KIAA1217: variants seen among roughly 807,000 people sequenced by gnomAD.
KIAA1217 encodes the protein KIAA1217, also known as sickle tail protein homolog.
In KIAA1217, 88 loss-of-function variants were observed where a neutral mutation model predicts 163.9. The observed-to-expected ratio is 0.54, with a 90% CI of 0.45 to 0.64. The LOEUF (loss-of-function observed/expected upper bound fraction) is 0.64. KIAA1217 is among the 30% of genes least tolerant of loss of function. KIAA1217 has a pLI of 0.00. For missense variants in KIAA1217, 2,372 were observed against 2,475.0 expected (o/e 0.96, Z 0.88); for synonymous variants, 903 against 923.1 (o/e 0.98, Z 0.39).
intron 1 of KIAA1217, among the ~76,000 whole-genome samples, chr10:23,974,686 C>A (rs1242431514): frequency 1.3e-5 from 2 of 152,064 alleles, no homozygotes; most frequent in East Asian, 3.9e-4. Flanking sequence ...TAAATTGAGC[C>A]TGCTCAGCTC....
At chr10:24,365,955 T>C (rs898845291) in intron 2 of KIAA1217, among the ~76,000 whole-genome samples, 4 of 152,226 alleles carry the variant, frequency 2.6e-5, no homozygotes, top group Non-Finnish European at 4.4e-5. Context: ...ATGACGGTAC[T>C]TAGAGGCTCC....
At chr10:23,864,572 C>T (rs996446310) in intron 1 of KIAA1217, among the ~76,000 whole-genome samples, 4 of 150,738 alleles carry the variant, frequency 2.7e-5, no homozygotes, top group African/African-American at 9.7e-5. Flanking sequence ...ACAGTACTTT[C>T]AGCTTGGGAA....
intron 2 of KIAA1217, among the ~76,000 whole-genome samples, chr10:24,188,662 G>A (rs1289548661): frequency 6.6e-6 from 1 of 152,154 alleles, no homozygotes; most frequent in Non-Finnish European, 1.5e-5. Context: ...TGGAGGTTGG[G>A]CCTTAAAGAA....
intron 2 of KIAA1217, among the ~76,000 whole-genome samples, chr10:24,340,340 A>AG (rs1237291327): frequency 1.3e-5 from 2 of 152,168 alleles, no homozygotes; most frequent in Non-Finnish European, 1.5e-5. Flanking sequence ...AGTAGTGAAT[A>AG]GGTCTCACGA....
At chr10:23,937,549 A>G (rs1017702702) in intron 1 of KIAA1217, among the ~76,000 whole-genome samples, 3 of 152,114 alleles carry the variant, frequency 2.0e-5, no homozygotes, top group African/African-American at 7.2e-5. Context: ...CCACTATCCC[A>G]TGTTTTATAT....
chr10:23,934,568 T>TATATAC (rs1554826326), intron 1 of KIAA1217, among the ~76,000 whole-genome samples: 1 of 78,752 alleles, frequency 1.3e-5, no homozygotes, highest in East Asian at 2.7e-4. Context: ...TATATATATA[T>TATATAC]ATATATATAT....
chr10:23,937,094 C>T (rs1441632258), intron 1 of KIAA1217, among the ~76,000 whole-genome samples: 5 of 152,216 alleles, frequency 3.3e-5, no homozygotes, highest in South Asian at 2.1e-4. Context: ...AGGCTGGTCT[C>T]GAACTCCTGA....
chr10:24,425,809 C>A (rs1243474640), intron 3 of KIAA1217, among the ~76,000 whole-genome samples: 3 of 152,156 alleles, frequency 2.0e-5, no homozygotes, highest in African/African-American at 4.8e-5. Flanking sequence ...ACAAATAACC[C>A]TTCAGAGAAA....
At chr10:23,866,099 C>T (rs2131147413) in intron 1 of KIAA1217, among the ~76,000 whole-genome samples, 1 of 152,280 alleles carries the variant, frequency 6.6e-6, no homozygotes, top group East Asian at 1.9e-4. Flanking sequence ...TTATTTCACA[C>T]ACTTCCAAAA....
intron 2 of KIAA1217, among the ~76,000 whole-genome samples, chr10:24,336,838 T>G (rs2046408465): frequency 6.6e-6 from 1 of 152,198 alleles, no homozygotes; most frequent in Non-Finnish European, 1.5e-5. Context: ...CAATTGCTGT[T>G]GGGAAAACCA....
At chr10:24,178,197 G>A (rs2065999416) in intron 2 of KIAA1217, among the ~76,000 whole-genome samples, 1 of 152,174 alleles carries the variant, frequency 6.6e-6, no homozygotes, top group Non-Finnish European at 1.5e-5. Flanking sequence ...CACTTGCATA[G>A]GGATTTAGGA....
chr10:23,735,161 G>A (rs1238454355), intron 1 of KIAA1217, among the ~76,000 whole-genome samples: 1 of 152,084 alleles, frequency 6.6e-6, no homozygotes. Flanking sequence ...ATGTTCCTGG[G>A]AATAGAATTA....
chr10:24,482,460 T>C (rs1389470847), intron 6 of KIAA1217: 1 of 152,218 alleles, frequency 6.6e-6, no homozygotes, highest in Non-Finnish European at 1.5e-5. Context: ...AAAATCAGCT[T>C]AATGCAGAAT....
chr10:23,747,667 ATT>A (rs1839482494), intron 1 of KIAA1217, among the ~76,000 whole-genome samples: 2 of 152,190 alleles, frequency 1.3e-5, no homozygotes, highest in South Asian at 4.2e-4. Context: ...GAAAATGAAG[ATT>A]TAAAGAAGAT....
chr10:23,809,804 C>T (rs1836908863), intron 1 of KIAA1217, among the ~76,000 whole-genome samples: 1 of 151,974 alleles, frequency 6.6e-6, no homozygotes, highest in Non-Finnish European at 1.5e-5. Context: ...ACTCTAATTA[C>T]AATATGCTGG....
intron 2 of KIAA1217, among the ~76,000 whole-genome samples, chr10:24,268,689 C>T (rs2076474619): frequency 1.1e-5 from 1 of 87,878 alleles, no homozygotes; most frequent in South Asian, 3.2e-4. Flanking sequence ...TACCATTTGA[C>T]CCAGCCATCC....
intron 3 of KIAA1217, among the ~76,000 whole-genome samples, chr10:24,424,851 T>G (rs1188824393): frequency 6.6e-6 from 1 of 152,196 alleles, no homozygotes; most frequent in African/African-American, 2.4e-5. Flanking sequence ...TCTGCCCACC[T>G]CGGCCTCCCA....
At chr10:24,348,212 G>T (rs1160462405) in intron 2 of KIAA1217, among the ~76,000 whole-genome samples, 1 of 152,108 alleles carries the variant, frequency 6.6e-6, no homozygotes, top group Admixed American at 6.6e-5. Context: ...AATTAGCTGG[G>T]CATGGTGGCA....
At chr10:23,889,780 C>G (rs1304562491) in intron 1 of KIAA1217, among the ~76,000 whole-genome samples, 1 of 151,708 alleles carries the variant, frequency 6.6e-6, no homozygotes, top group African/African-American at 2.4e-5. Flanking sequence ...AGGATTTTTC[C>G]ATCCTTGTTT....
Sources: allele counts gnomAD v4.1 joint callset (sites outside exome capture counted in the v4.1 genomes callset), GRCh38; gene constraint gnomAD v4.1.1; transcripts MANE v1.5; gene names NCBI Gene and HGNC (gene_info 2026-07-23, HGNC 2026-07-21).